Variants in KIF18B observed in about 807,000 individuals in gnomAD.
KIF18B encodes kinesin family member 18B.
Under a neutral mutation model 80.9 loss-of-function variants are expected in KIF18B, and 49 were observed. That is an observed-to-expected ratio of 0.61 (90% CI 0.48 to 0.77). The LOEUF (loss-of-function observed/expected upper bound fraction) is 0.77. Among genes scored for constraint, KIF18B ranks in the 30% least tolerant of loss-of-function variants. KIF18B has a pLI of 0.00. For synonymous variants in KIF18B, 439 were observed against 463.9 expected (o/e 0.95, Z 0.69); for missense variants, 994 against 1,127.7 (o/e 0.88, Z 1.70).
At chr17:44,932,354 C>T (rs1811409986) in intron 9 of KIF18B, 148 bp from the exon 10 acceptor site, 1 of 868,820 alleles carries the variant, frequency 1.2e-6, no homozygotes, top group African/African-American at 1.7e-5. Context: ...GGGACAGATG[C>T]TTAGGTGACA....
intron 11 of KIF18B, 67 bp from the exon 12 acceptor site, chr17:44,929,091 T>A: frequency 7.2e-7 from 1 of 1,379,470 alleles, no homozygotes; most frequent in Non-Finnish European, 1.0e-6. Context: ...CTCTATGCCA[T>A]GCACCTGTCC....
rs1477720866 is a variant in KIF18B, at chr17:44,933,988, G to A, written c.997C>T (p.Leu333=). Residue 333 remains leucine (L), a synonymous_variant, in exon 7 of 16, where the codon CTG becomes TTG. Transcript: ENST00000593135. ...GTGTTGTACGTGTCCTCGTAGGTCA[G>A]GCTGGAGGGGCTGATGGCAGCGATC... The part of the protein sequence containing the change: ...VMIAAISPSS[L]TYEDTYNTLK... 2 of 1,606,042 alleles carry A rather than the reference G, an allele frequency of 1.2e-6. No individual in the cohort carries two copies. The highest frequency in any genetic ancestry group is 1.7e-6 in the Non-Finnish European group (2 of 1,176,528).
Position 44,934,148 on chromosome 17 carries a change from C to A in KIF18B, c.886-49G>T. ...GGGTGAGGCGACTGATGGCACTGAC[C>A]CAGGATGGGGCCCTGTGGCCTTTGG... On this transcript the variant is annotated intron_variant, in intron 6 of 15. Transcript: ENST00000593135. This position sits in a 1 kb window ranked among gnomAD's most constrained non-coding sequence, Gnocchi z 5.4. 6.2e-7 allele frequency: 1 copy of A among 1,603,236 alleles called. No individual in the cohort carries two copies. The highest frequency in any genetic ancestry group is 8.5e-7 in the Non-Finnish European group (1 of 1,174,538).
chr17:44,926,923 A>G (rs2052041192), intron 14 of KIF18B, 66 bp downstream of exon 14: 3 of 1,380,866 alleles, frequency 2.2e-6, no homozygotes, highest in East Asian at 2.5e-5. Flanking sequence ...GAGTCGGCCC[A>G]GGTGTCTACT....
rs1266471181 is a variant in KIF18B, at chr17:44,925,532, G to C, written c.*548C>G. On this transcript the variant is annotated 3_prime_UTR_variant, in exon 16 of 16. Coordinates refer to ENST00000593135, the MANE Select transcript of KIF18B (RefSeq NM_001265577.2). Reference sequence around the variant, plus strand: ...GTGGTAGCTCATGCCTGTAATCTCAGCACTTTGGGAAGCTGAGGCAGGCGG... The same window carrying C: ...GTGGTAGCTCATGCCTGTAATCTCACCACTTTGGGAAGCTGAGGCAGGCGG... 6.0e-6 allele frequency: 1 copy of C among 166,738 alleles called. No homozygotes were observed. Among genetic ancestry groups the C allele is most frequent in the African/African-American group, 2.4e-5 (1 of 41,264 alleles). 10.3% of individuals were successfully genotyped at this position (166,738 alleles called of 1,614,324 possible).
In KIF18B at chr17:44,926,513, G is replaced by C; in HGVS notation, c.2367-14C>G. ...GAGACTGAGGAACTGAGGGAGGAAA[G>C]GAGGGAAGGTGGAAGGTTACGGCCC... On this transcript the variant is annotated splice_polypyrimidine_tract_variant and intron_variant, in intron 14 of 15. Coordinates refer to ENST00000593135, the MANE Select transcript of KIF18B (RefSeq NM_001265577.2). The C allele has an allele frequency of 6.3e-7, 1 of 1,574,842 alleles. No individual in the cohort carries two copies. The highest frequency in any genetic ancestry group is 8.6e-7 in the Non-Finnish European group (1 of 1,162,834).
rs373708940 is a variant in KIF18B, at chr17:44,932,216, T to C, written c.1239-10A>G. Reference sequence around the variant, plus strand: ...TGGGGTGCAGGGCTGGCTGGGAGGGTGGGGTGGCAAGGGGGAGCTGGGAAG... The same window carrying C: ...TGGGGTGCAGGGCTGGCTGGGAGGGCGGGGTGGCAAGGGGGAGCTGGGAAG... On this transcript the variant is annotated splice_polypyrimidine_tract_variant and intron_variant, in intron 9 of 15. Coordinates refer to ENST00000593135, the MANE Select transcript of KIF18B (RefSeq NM_001265577.2). 51 of 1,558,384 alleles carry C rather than the reference T, an allele frequency of 3.3e-5. No homozygotes were observed. In the African/African-American group the frequency reaches 4.2e-4, roughly 13 times the overall value.
intron 1 of KIF18B, among the ~76,000 whole-genome samples, chr17:44,946,812 C>T (rs954762632): frequency 1.3e-5 from 2 of 152,114 alleles, no homozygotes; most frequent in African/African-American, 2.4e-5. Flanking sequence ...TGTTCTTTCA[C>T]TTGTTCCTTC....
At chr17:44,930,889 T>C (rs2052131650) in intron 11 of KIF18B, among the ~76,000 whole-genome samples, 1 of 152,178 alleles carries the variant, frequency 6.6e-6, no homozygotes, top group East Asian at 1.9e-4. Context: ...TTATTCAGAC[T>C]GCAGCATTTT....
rs370540435 is a variant in KIF18B, at chr17:44,932,735, C to T, written c.1176G>A (p.Gly392=). 4 of 1,613,314 alleles carry T rather than the reference C, an allele frequency of 2.5e-6. No individual in the cohort carries two copies. Among genetic ancestry groups the T allele is most frequent in the African/African-American group, 1.3e-5 (1 of 75,008 alleles). The change falls in exon 9 of 16, where the codon GGG becomes GGA. Residue 392 remains glycine (G), a synonymous_variant. Transcript: ENST00000593135. ...ALRKKLQVYE[G]GGQPPPQDLP... ...GGTCCTGTGGTGGGGGCTGGCCTCC[C>T]CCCTCATACACTTGGAGCTTCTTCC... is the stretch of plus-strand genomic sequence containing the variant.
At chr17:44,940,512 C>T (rs2052395775) in intron 1 of KIF18B, among the ~76,000 whole-genome samples, 1 of 152,140 alleles carries the variant, frequency 6.6e-6, no homozygotes, top group African/African-American at 2.4e-5. Context: ...CCTGGTTTTT[C>T]ATTTCTCTTT....
At chr17:44,945,529 A>G (rs1294143526) in intron 1 of KIF18B, among the ~76,000 whole-genome samples, 2 of 152,232 alleles carry the variant, frequency 1.3e-5, no homozygotes, top group Non-Finnish European at 2.9e-5. Context: ...AGTTTTATAA[A>G]TAGTATTTTT....
At chr17:44,930,131 A>G (rs1272523721) in intron 11 of KIF18B, among the ~76,000 whole-genome samples, 1 of 152,238 alleles carries the variant, frequency 6.6e-6, no homozygotes, top group Non-Finnish European at 1.5e-5. Flanking sequence ...AAGGCAGGAT[A>G]TAAATTAAAA....
intron 1 of KIF18B, among the ~76,000 whole-genome samples, chr17:44,936,596 CTCTATATATATATA>C (rs1423507767): frequency 2.7e-5 from 1 of 36,960 alleles, no homozygotes; most frequent in African/African-American, 1.1e-4. Context: ...CTCTCTCTCT[CTCTATATATATATA>C]TATATATATA....
Position 44,933,006 on chromosome 17 carries a change from A to G in KIF18B, c.1063-20T>C, listed in dbSNP as rs1430834711. ...CTTCAGCTGAGATGGGGAACAGGAG[A>G]GAGATTTATTTGTTCATTCAAAGCA... On this transcript the variant is annotated intron_variant, in intron 7 of 15. Coordinates refer to ENST00000593135, the MANE Select transcript of KIF18B (RefSeq NM_001265577.2). The G allele has an allele frequency of 6.3e-7, 1 of 1,596,542 alleles. No homozygotes were observed. The highest frequency in any genetic ancestry group is 2.3e-5 in the East Asian group (1 of 44,370).
chr17:44,934,948 G>A lies in KIF18B; in HGVS notation c.472-13C>T, dbSNP rs1597885299. 1 of 1,503,938 alleles carries A rather than the reference G, an allele frequency of 6.6e-7. No individual in the cohort carries two copies. Among genetic ancestry groups the A allele is most frequent in the Non-Finnish European group, 9.0e-7 (1 of 1,107,846 alleles). 93.2% of individuals were successfully genotyped at this position (1,503,938 alleles called of 1,614,324 possible). On this transcript the variant is annotated splice_polypyrimidine_tract_variant and intron_variant, in intron 3 of 15. Transcript: ENST00000593135. This position sits in a 1 kb window ranked among gnomAD's most constrained non-coding sequence, Gnocchi z 5.4. ...GTTCATTATACACCTGAGAAAGGAA[G>A]AAAGGAAGAGGCCTGAGGGAGAGCG...
At chr17:44,933,792 C>G in intron 7 of KIF18B, 131 bp downstream of exon 7, 1 of 893,296 alleles carries the variant, frequency 1.1e-6, no homozygotes, top group Non-Finnish European at 1.7e-6. Flanking sequence ...CATGTCCAGG[C>G]CAGAGGAACT....
intron 1 of KIF18B, among the ~76,000 whole-genome samples, chr17:44,944,549 G>A (rs974927043): frequency 3.9e-5 from 6 of 152,078 alleles, no homozygotes; most frequent in African/African-American, 1.2e-4. Context: ...CGCTTGGCCC[G>A]ACTTGTAATT....
chr17:44,934,279 G>C lies in KIF18B; in HGVS notation c.839C>G (p.Ser280Cys), dbSNP rs895805403. The C allele has an allele frequency of 3.1e-6, 5 of 1,613,272 alleles. No individual in the cohort carries two copies. The highest frequency in any genetic ancestry group is 1.3e-5 in the African/African-American group (1 of 74,944). The change falls in exon 6 of 16, where the codon TCT becomes TGT. Residue 280 changes from serine (S) to cysteine (C), a missense_variant. By Grantham distance (112) the Ser-to-Cys change is moderately radical. Coordinates refer to ENST00000593135, the MANE Select transcript of KIF18B (RefSeq NM_001265577.2). The surrounding 1 kb of genome is among the most constrained non-coding windows in gnomAD (Gnocchi z 5.4). ...RLREGANINR[S>C]LLALINVLNA... is the part of the protein sequence containing the mutation. The stretch of plus-strand genomic sequence containing the variant: ...GAGGACGTTGATGAGCGCCAGCAGA[G>C]AGCGGTTGATGTTGGCCCCCTCCCG...
Sources: allele counts gnomAD v4.1 joint callset (sites outside exome capture counted in the v4.1 genomes callset), GRCh38; gene constraint gnomAD v4.1.1; non-coding constraint Gnocchi (gnomAD v3.1); transcripts MANE v1.5; gene names NCBI Gene and HGNC (gene_info 2026-07-23, HGNC 2026-07-21).